COL4A2: variants seen among roughly 807,000 people sequenced by gnomAD.
The protein encoded by COL4A2 is collagen alpha-2(IV) chain.
A neutral mutation model predicts 200.2 loss-of-function variants in COL4A2; 99 were observed. That is an observed-to-expected ratio of 0.49 (90% CI 0.42 to 0.58). COL4A2 has a LOEUF of 0.58. Among genes scored for constraint, COL4A2 ranks in the 20% least tolerant of loss-of-function variants. COL4A2 has a pLI of 0.00. For missense variants in COL4A2, 1,950 were observed against 2,314.1 expected (o/e 0.84, Z 3.23); for synonymous variants, 897 against 900.6 (o/e 1.00, Z 0.07).
At chr13:110,361,531 G>A (rs999737288) in intron 4 of COL4A2, among the ~76,000 whole-genome samples, 12 of 152,172 alleles carry the variant, frequency 7.9e-5, no homozygotes, top group African/African-American at 1.9e-4. Flanking sequence ...TCATCTGTGC[G>A]TCACCATGGT....
intron 43 of COL4A2, 82 bp downstream of exon 43, chr13:110,503,563 C>G (rs1883728175): frequency 1.2e-6 from 1 of 843,876 alleles, no homozygotes; most frequent in African/African-American, 1.7e-5. Flanking sequence ...GGTCAAACGG[C>G]CAGGATCCTC....
intron 3 of COL4A2, among the ~76,000 whole-genome samples, chr13:110,342,449 C>T (rs1450097383): frequency 6.6e-6 from 1 of 152,138 alleles, no homozygotes; most frequent in Non-Finnish European, 1.5e-5. Flanking sequence ...AGGTCTGTAT[C>T]GTGAGATGGA....
At chr13:110,480,838 C>G (rs1882872797) in intron 31 of COL4A2, among the ~76,000 whole-genome samples, 1 of 152,076 alleles carries the variant, frequency 6.6e-6, no homozygotes, top group African/African-American at 2.4e-5. Context: ...AGCCCTCCAG[C>G]CCATGAACGT....
chr13:110,407,096 A>G (rs1206928126), intron 4 of COL4A2, among the ~76,000 whole-genome samples: 1 of 152,056 alleles, frequency 6.6e-6, no homozygotes, highest in East Asian at 1.9e-4. Flanking sequence ...TGTGATATAA[A>G]CCCGGTGGGA....
chr13:110,379,988 G>A (rs1486278074), intron 4 of COL4A2, among the ~76,000 whole-genome samples: 1 of 152,152 alleles, frequency 6.6e-6, no homozygotes, highest in African/African-American at 2.4e-5. Flanking sequence ...GTGTCCCAGT[G>A]AGCCCTCCGC....
At chr13:110,365,942 T>G (rs1877727230) in intron 4 of COL4A2, among the ~76,000 whole-genome samples, 1 of 152,248 alleles carries the variant, frequency 6.6e-6, no homozygotes, top group Admixed American at 6.5e-5. Flanking sequence ...AGCCATTTCA[T>G]GTCTTGATTA....
At chr13:110,406,595 A>G (rs375355010) in intron 4 of COL4A2, among the ~76,000 whole-genome samples, 10 of 152,038 alleles carry the variant, frequency 6.6e-5, no homozygotes, top group African/African-American at 2.4e-4. Context: ...ATTTAATTAG[A>G]AATTTAGATG....
In COL4A2 at chr13:110,413,760, C is replaced by T. The variant is rs147508515; in HGVS notation, c.181-10974C>T. ...TCTCTCAGAGGCCCCCTTACCTTTGCTTCACAAATGAGACATGAGCCAGCA... is the reference window on the plus strand; with the variant it reads ...TCTCTCAGAGGCCCCCTTACCTTTGTTTCACAAATGAGACATGAGCCAGCA... On this transcript the variant is annotated intron_variant, in intron 4 of 47. Coordinates refer to ENST00000360467, the MANE Select transcript of COL4A2 (RefSeq NM_001846.4). Among the ~76,000 whole-genome samples the T allele has an allele frequency of 4.6e-3, 698 of 152,310 alleles. 4 individuals carry two copies. The highest frequency in any genetic ancestry group is 0.016 in the African/African-American group (654 of 41,570).
At chr13:110,510,086 G>A (rs1019359887) in intron 47 of COL4A2, among the ~76,000 whole-genome samples, 1 of 152,232 alleles carries the variant, frequency 6.6e-6, no homozygotes, top group African/African-American at 2.4e-5. Context: ...AGCATAATAA[G>A]AGCTGACTTT....
chr13:110,508,934 C>T lies in COL4A2; in HGVS notation c.4881+713C>T, dbSNP rs973693460. ...CTCAACTTGGAATAGGGTCCCGTCCCGATAAATTCATTGTAAGATGAAGAT... is the reference window on the plus strand; with the variant it reads ...CTCAACTTGGAATAGGGTCCCGTCCTGATAAATTCATTGTAAGATGAAGAT... On this transcript the variant is annotated intron_variant, in intron 47 of 47. Transcript: ENST00000360467. The surrounding 1 kb of genome is among the most constrained non-coding windows in gnomAD (Gnocchi z 6.1). Among the ~76,000 whole-genome samples the T allele has an allele frequency of 3.3e-5, 5 of 152,000 alleles. No homozygotes were observed. Among genetic ancestry groups the T allele is most frequent in the African/African-American group, 1.2e-4 (5 of 41,368 alleles).
intron 4 of COL4A2, among the ~76,000 whole-genome samples, chr13:110,369,115 G>A (rs371120390): frequency 3.9e-4 from 60 of 152,268 alleles, no homozygotes; most frequent in African/African-American, 1.4e-3. Flanking sequence ...AGAGGTTGAG[G>A]CAGGAGAATC....
chr13:110,362,206 T>C (rs1877548214), intron 4 of COL4A2, among the ~76,000 whole-genome samples: 2 of 152,362 alleles, frequency 1.3e-5, no homozygotes, highest in South Asian at 4.1e-4. Context: ...AAAATAACTT[T>C]AACAAATGAT....
At chr13:110,373,002 T>C (rs1878083628) in intron 4 of COL4A2, among the ~76,000 whole-genome samples, 1 of 152,274 alleles carries the variant, frequency 6.6e-6, no homozygotes, top group Non-Finnish European at 1.5e-5. Flanking sequence ...ACTAGCCATG[T>C]GGTTTAGTGA....
chr13:110,439,732 C>G, intron 15 of COL4A2, 57 bp from the exon 16 acceptor site: 1 of 1,612,570 alleles, frequency 6.2e-7, no homozygotes, highest in Non-Finnish European at 8.5e-7. Context: ...GTCAAGCCCT[C>G]TGGAAATGTC....
intron 4 of COL4A2, among the ~76,000 whole-genome samples, chr13:110,412,591 A>G (rs1481678050): frequency 1.3e-5 from 2 of 152,342 alleles, no homozygotes; most frequent in South Asian, 2.1e-4. Context: ...TTCCTTTTAT[A>G]GCTTTCTCAC....
At chr13:110,424,159 G>A (rs1157970099) in intron 4 of COL4A2, among the ~76,000 whole-genome samples, 3 of 152,004 alleles carry the variant, frequency 2.0e-5, no homozygotes, top group Admixed American at 6.6e-5. Context: ...AGCAGCGCAC[G>A]GAGATTCTGA....
chr13:110,485,282 G>A (rs1797709531), intron 33 of COL4A2, among the ~76,000 whole-genome samples: 1 of 152,148 alleles, frequency 6.6e-6, no homozygotes, highest in African/African-American at 2.4e-5. Context: ...CCAGCACTTT[G>A]GGAGGCCGAG....
chr13:110,473,227 G>A (rs767833037), intron 29 of COL4A2, 77 bp downstream of exon 29: 70 of 1,380,102 alleles, frequency 5.1e-5, no homozygotes, highest in Middle Eastern at 2.5e-4. Flanking sequence ...AATCCCTTCC[G>A]GGGGATTTGG....
In COL4A2 at chr13:110,512,629, C is replaced by T. The variant is rs745506356; in HGVS notation, c.*438C>T. ...AGGGCCTCAGGCACCCGTCCCCACA[C>T]GAGGGCCCCGTGGGTGGGCCTGGCC... On this transcript the variant is annotated 3_prime_UTR_variant, in exon 48 of 48. Transcript: ENST00000360467. 1.1e-5 allele frequency: 2 copies of T among 177,842 alleles called. No homozygotes were observed. The highest frequency in any genetic ancestry group is 2.3e-5 in the Non-Finnish European group (2 of 85,556). 11.0% of individuals were successfully genotyped at this position (177,842 alleles called of 1,614,324 possible). A position where few individuals can be genotyped will look rare whatever the true frequency, so the allele number is the denominator to read the frequency against.
Sources: allele counts gnomAD v4.1 joint callset (sites outside exome capture counted in the v4.1 genomes callset), GRCh38; gene constraint gnomAD v4.1.1; non-coding constraint Gnocchi (gnomAD v3.1); transcripts MANE v1.5; gene names NCBI Gene and HGNC (gene_info 2026-07-23, HGNC 2026-07-21).